Variants in PTPRT observed in about 807,000 individuals in gnomAD.
The protein encoded by PTPRT is protein tyrosine phosphatase receptor type T, also known as receptor-type tyrosine-protein phosphatase T.
In PTPRT, 56 loss-of-function variants were observed where a neutral mutation model predicts 176.8. The observed-to-expected ratio is 0.32, with a 90% CI of 0.26 to 0.40. The LOEUF (loss-of-function observed/expected upper bound fraction) is 0.40. Ranked by LOEUF, PTPRT falls within the 10% of genes least tolerant of loss-of-function variation. PTPRT has a pLI of 1.00. For missense variants in PTPRT, 1,540 were observed against 1,908.2 expected, an observed-to-expected ratio of 0.81 and a Z score of 3.60; for synonymous variants, 783 against 739.0, an observed-to-expected ratio of 1.06 and a Z score of -0.96.
At chr20:43,005,585 C>G (rs1984811640) in intron 1 of PTPRT, among the ~76,000 whole-genome samples, 1 of 152,126 alleles carries the variant, frequency 6.6e-6, no homozygotes, top group Admixed American at 6.5e-5. Flanking sequence ...ATACTTTGTG[C>G]ATTAATTATT....
chr20:43,039,914 G>A (rs143137417), intron 1 of PTPRT, among the ~76,000 whole-genome samples: 17 of 152,066 alleles, frequency 1.1e-4, no homozygotes, highest in South Asian at 8.3e-4. Flanking sequence ...AGTGGCATGC[G>A]CCTGTAGACC....
At chr20:42,675,147 C>T (rs2075479544) in intron 7 of PTPRT, among the ~76,000 whole-genome samples, 1 of 152,194 alleles carries the variant, frequency 6.6e-6, no homozygotes. Flanking sequence ...TCCACCACTT[C>T]ACAGTCACTC....
intron 1 of PTPRT, among the ~76,000 whole-genome samples, chr20:43,107,601 C>T (rs778972756): frequency 6.6e-6 from 1 of 152,182 alleles, no homozygotes; most frequent in Non-Finnish European, 1.5e-5. Flanking sequence ...TGGAGTCAGC[C>T]ACGTTAACAG....
intron 7 of PTPRT, among the ~76,000 whole-genome samples, chr20:42,634,284 G>T (rs183431240): frequency 1.9e-4 from 28 of 147,316 alleles, no homozygotes; most frequent in Non-Finnish European, 8.9e-5. Flanking sequence ...CGTTAATGAT[G>T]TGTGTTCATT....
chr20:42,110,055 T>C (rs534512250), intron 23 of PTPRT, among the ~76,000 whole-genome samples: 2 of 151,340 alleles, frequency 1.3e-5, no homozygotes, highest in South Asian at 2.1e-4. Flanking sequence ...TTTTCTTTTT[T>C]TTTTTTTTTG....
At chr20:42,323,397 T>A in intron 11 of PTPRT, among the ~76,000 whole-genome samples, 1 of 152,104 alleles carries the variant, frequency 6.6e-6, no homozygotes, top group African/African-American at 2.4e-5. Context: ...TAAGAAAATG[T>A]GGCACATATA....
rs1328445331 is a variant in PTPRT, at chr20:42,341,622, G to A, written c.1865+9006C>T. 2.6e-5 allele frequency among the ~76,000 whole-genome samples: 4 copies of A among 152,126 alleles called. No individual in the cohort carries two copies. In the East Asian group the frequency reaches 7.8e-4, roughly 30 times the overall value. On this transcript the variant is annotated intron_variant, in intron 11 of 30. Coordinates refer to ENST00000373187, the MANE Select transcript of PTPRT (RefSeq NM_007050.6). ...TCTAATCTACACTCTCCCAGGATGA[G>A]GTCATCCACTCCCCTCCATACTTGA...
At chr20:43,006,041 A>T (rs556342774) in intron 1 of PTPRT, among the ~76,000 whole-genome samples, 1 of 152,326 alleles carries the variant, frequency 6.6e-6, no homozygotes, top group East Asian at 1.9e-4. Flanking sequence ...TGGACCCTGA[A>T]CTTACAAAAT....
chr20:42,441,993 C>T (rs1248251548), intron 9 of PTPRT, among the ~76,000 whole-genome samples: 2 of 152,214 alleles, frequency 1.3e-5, no homozygotes, highest in Non-Finnish European at 2.9e-5. Context: ...ATCTGGAACA[C>T]ATCCCATTCT....
At chr20:42,250,181 C>T (rs143810683) in intron 13 of PTPRT, among the ~76,000 whole-genome samples, 32 of 152,338 alleles carry the variant, frequency 2.1e-4, no homozygotes, top group Non-Finnish European at 3.2e-4. Context: ...CATCTGTCTC[C>T]TCCAGTGGTC....
intron 9 of PTPRT, among the ~76,000 whole-genome samples, chr20:42,402,352 C>G (rs985938114): frequency 3.3e-5 from 5 of 151,920 alleles, no homozygotes; most frequent in Non-Finnish European, 7.4e-5. Context: ...CAGATGAGGG[C>G]CTATTTTCAG....
At chr20:42,643,764 T>G (rs1338168581) in intron 7 of PTPRT, among the ~76,000 whole-genome samples, 1 of 152,066 alleles carries the variant, frequency 6.6e-6, no homozygotes, top group South Asian at 2.1e-4. Context: ...GTGCACACTA[T>G]AAGAGAGCTC....
At chr20:42,681,886 C>T (rs963451652) in intron 6 of PTPRT, among the ~76,000 whole-genome samples, 1 of 152,174 alleles carries the variant, frequency 6.6e-6, no homozygotes, top group Non-Finnish European at 1.5e-5. Flanking sequence ...CAGACACACA[C>T]AACAACATGA....
At chr20:42,821,048 C>T (rs1282355689) in intron 2 of PTPRT, among the ~76,000 whole-genome samples, 1 of 152,196 alleles carries the variant, frequency 6.6e-6, no homozygotes, top group African/African-American at 2.4e-5. Flanking sequence ...AGGGACTCCT[C>T]CCTAACTCAT....
chr20:42,055,209 T>C, the PTPRT span, among the ~76,000 whole-genome samples: 1 of 152,218 alleles, frequency 6.6e-6, no homozygotes, highest in African/African-American at 2.4e-5. Flanking sequence ...TCACCTTTTA[T>C]TTTTTTATGA....
intron 14 of PTPRT, among the ~76,000 whole-genome samples, chr20:42,238,564 G>A (rs1177875646): frequency 6.6e-6 from 1 of 152,128 alleles, no homozygotes; most frequent in African/African-American, 2.4e-5. Flanking sequence ...GATTCCCCTG[G>A]GACACAAAAC....
At chr20:43,180,291 C>T (rs547839772) in intron 1 of PTPRT, among the ~76,000 whole-genome samples, 4 of 149,316 alleles carry the variant, frequency 2.7e-5, no homozygotes, top group East Asian at 4.0e-4. Context: ...GACTGTGGGA[C>T]TTCTCGGCCT....
At chr20:42,518,102 T>G (rs1413935707) in intron 7 of PTPRT, among the ~76,000 whole-genome samples, 3 of 152,034 alleles carry the variant, frequency 2.0e-5, no homozygotes, top group Admixed American at 6.6e-5. Context: ...TTTAAAGGCA[T>G]GTTAATACTG....
intron 1 of PTPRT, among the ~76,000 whole-genome samples, chr20:43,025,427 G>A (rs1345437971): frequency 6.6e-6 from 1 of 152,216 alleles, no homozygotes; most frequent in African/African-American, 2.4e-5. Context: ...TTTGGCTTGT[G>A]TGGTACTTAA....
Sources: allele counts gnomAD v4.1 joint callset (sites outside exome capture counted in the v4.1 genomes callset), GRCh38; gene constraint gnomAD v4.1.1; transcripts MANE v1.5; gene names NCBI Gene and HGNC (gene_info 2026-07-23, HGNC 2026-07-21).